The following FBXO34 variants were observed in gnomAD, a reference collection of about 807,000 sequenced individuals.
FBXO34 encodes F-box only protein 34.
FBXO34 carries 12 observed loss-of-function variants against 24.5 expected under a neutral mutation model. That is an observed-to-expected ratio of 0.49 (90% CI 0.31 to 0.79). The LOEUF is 0.79. Ranked by LOEUF, FBXO34 falls within the 30% of genes least tolerant of loss-of-function variation. The pLI is 0.04. For missense variants in FBXO34, 823 were observed against 857.7 expected, an observed-to-expected ratio of 0.96 and a Z score of 0.51; for synonymous variants, 320 against 311.9, an observed-to-expected ratio of 1.03 and a Z score of -0.27.
the FBXO34 span, among the ~76,000 whole-genome samples, chr14:55,442,876 C>A: frequency 6.6e-6 from 1 of 152,184 alleles, no homozygotes; most frequent in Non-Finnish European, 1.5e-5. Context: ...AATCTGGACA[C>A]ACAGAGACAC....
chr14:55,284,584 G>A (rs1881692592), intron 1 of FBXO34, among the ~76,000 whole-genome samples: 1 of 146,074 alleles, frequency 6.8e-6, no homozygotes, highest in African/African-American at 2.5e-5. Context: ...CCTAGCCTCT[G>A]GATTTTGAGT....
At chr14:55,411,093 C>A in the FBXO34 span, among the ~76,000 whole-genome samples, 1 of 152,144 alleles carries the variant, frequency 6.6e-6, no homozygotes, top group Admixed American at 6.5e-5. Flanking sequence ...TAACAGCAAG[C>A]CTCAATTCAC....
chr14:55,439,278 T>A, the FBXO34 span, among the ~76,000 whole-genome samples: 28 of 133,880 alleles, frequency 2.1e-4, no homozygotes, highest in Middle Eastern at 3.8e-3. Context: ...TAATTAACTT[T>A]AAAAAAAAAA....
At chr14:55,357,014 A>G (rs1335695786), downstream of FBXO34, among the ~76,000 whole-genome samples, 1 of 152,154 alleles carries the variant, frequency 6.6e-6, no homozygotes, top group African/African-American at 2.4e-5. Flanking sequence ...TAGTGTTGCA[A>G]TCTTTGTGAG....
chr14:55,373,656 C>G (rs1722996949), downstream of FBXO34, among the ~76,000 whole-genome samples: 2 of 152,048 alleles, frequency 1.3e-5, no homozygotes, highest in African/African-American at 4.8e-5. Flanking sequence ...GATGCAGTTT[C>G]CCATGTTGGC....
chr14:55,386,662 C>T, the FBXO34 span, among the ~76,000 whole-genome samples: 13 of 152,170 alleles, frequency 8.5e-5, no homozygotes, highest in Admixed American at 5.2e-4. Context: ...TATCTAGACA[C>T]GCATGCCCAG....
the FBXO34 span, among the ~76,000 whole-genome samples, chr14:55,391,733 A>G: frequency 2.0e-4 from 30 of 152,290 alleles, no homozygotes; most frequent in Non-Finnish European, 4.0e-4. Context: ...CAGCGCAGAT[A>G]CAGAACTCAA....
chr14:55,320,354 A>G (rs1883087772), intron 1 of FBXO34, among the ~76,000 whole-genome samples: 2 of 152,178 alleles, frequency 1.3e-5, no homozygotes, highest in Non-Finnish European at 2.9e-5. Context: ...CCTAGATGGG[A>G]AAGTGGTTAG....
chr14:55,322,447 T>C (rs1883172035), intron 1 of FBXO34, among the ~76,000 whole-genome samples: 1 of 152,150 alleles, frequency 6.6e-6, no homozygotes, highest in African/African-American at 2.4e-5. Flanking sequence ...GTCTCTCTCC[T>C]CCCCCACCAT....
At chr14:55,322,338 GCAA>G (rs139690267) in intron 1 of FBXO34, among the ~76,000 whole-genome samples, 8,663 of 149,688 alleles carry the variant, frequency 0.058, 321 homozygotes, top group South Asian at 0.09. Flanking sequence ...ATACAAACAA[GCAA>G]CAACAACAAC....
the FBXO34 span, chr14:55,436,923 A>G: frequency 1.6e-4 from 258 of 1,614,238 alleles, no homozygotes; most frequent in Admixed American, 4.2e-3. Flanking sequence ...CAGGGTTCGA[A>G]TTAAATGCAG....
At chr14:55,274,030 T>A (rs568272760) in intron 1 of FBXO34, among the ~76,000 whole-genome samples, 1 of 152,230 alleles carries the variant, frequency 6.6e-6, no homozygotes, top group South Asian at 2.1e-4. Flanking sequence ...GGTCATGAAC[T>A]CCTGACCTCG....
At chr14:55,274,146 A>G (rs926209289) in intron 1 of FBXO34, among the ~76,000 whole-genome samples, 3 of 152,218 alleles carry the variant, frequency 2.0e-5, no homozygotes, top group Admixed American at 1.3e-4. Flanking sequence ...GTCAGACTAA[A>G]TAAGAGTTGA....
At chr14:55,310,257 A>G (rs1225736075) in intron 1 of FBXO34, among the ~76,000 whole-genome samples, 1 of 152,220 alleles carries the variant, frequency 6.6e-6, no homozygotes, top group East Asian at 1.9e-4. Context: ...CAAGTTGGTA[A>G]TAGCTATTAA....
At chr14:55,359,184 A>G (rs905478177) in intron 3 of FBXO34, among the ~76,000 whole-genome samples, 1 of 152,052 alleles carries the variant, frequency 6.6e-6, no homozygotes, top group Non-Finnish European at 1.5e-5. Flanking sequence ...GAGAGTCACT[A>G]TTTTGTCAGA....
At chr14:55,371,613 G>A (rs972771845), downstream of FBXO34, among the ~76,000 whole-genome samples, 1 of 152,044 alleles carries the variant, frequency 6.6e-6, no homozygotes, top group African/African-American at 2.4e-5. Context: ...GAGACCATTG[G>A]CTAACACAGT....
At chr14:55,428,841 C>A in the FBXO34 span, 2 of 1,614,220 alleles carry the variant, frequency 1.2e-6, no homozygotes, top group Non-Finnish European at 1.7e-6. Flanking sequence ...ACCAAACCTT[C>A]CAGCCTGATG....
chr14:55,322,309 CAAAAAAA>C, intron 1 of FBXO34, among the ~76,000 whole-genome samples: 1 of 122,050 alleles, frequency 8.2e-6, no homozygotes, highest in East Asian at 2.5e-4. Context: ...GACTCTGTCT[CAAAAAAA>C]AAAAAAAAAA....
At position 55,331,574 on chromosome 14, in the gene FBXO34, T is replaced by C. The variant is rs940069048; in HGVS notation, c.-10-18807T>C. ...ATATATATATATACACACACACACA[T>C]ACCAACATGGTGTGTGTGTATATAT... On this transcript the variant is annotated intron_variant, in intron 1 of 1. Transcript: ENST00000313833. Among the ~76,000 whole-genome samples the C allele has an allele frequency of 1.3e-3, 181 of 136,502 alleles. 1 individual carries two copies. Among genetic ancestry groups the C allele is most frequent in the African/African-American group, 4.6e-3 (175 of 37,900 alleles). The allele number at this position is 136,502 out of a possible 152,430, so 89.6% of individuals were successfully genotyped here. A position where few individuals can be genotyped will look rare whatever the true frequency, so the allele number is the denominator to read the frequency against.
Sources: allele counts gnomAD v4.1 joint callset (sites outside exome capture counted in the v4.1 genomes callset), GRCh38; gene constraint gnomAD v4.1.1; transcripts MANE v1.5; gene names NCBI Gene and HGNC (gene_info 2026-07-23, HGNC 2026-07-21).